The following TTC27 variants were observed in gnomAD, a reference collection of about 807,000 sequenced individuals.
The protein encoded by TTC27 is tetratricopeptide repeat domain 27, also known as tetratricopeptide repeat protein 27.
In TTC27, 79 loss-of-function variants were observed where a neutral mutation model predicts 115.9. That is an observed-to-expected ratio of 0.68 (90% CI 0.57 to 0.82). The LOEUF is 0.82. TTC27 is among the 40% of genes least tolerant of loss of function. TTC27 has a pLI of 0.00. For synonymous variants in TTC27, 401 were observed against 356.0 expected, an observed-to-expected ratio of 1.13 and a Z score of -1.42; for missense variants, 1,054 against 993.1, an observed-to-expected ratio of 1.06 and a Z score of -0.82.
intron 10 of TTC27, among the ~76,000 whole-genome samples, chr2:32,725,474 C>G (rs941021355): frequency 3.3e-5 from 5 of 152,176 alleles, no homozygotes; most frequent in African/African-American, 1.2e-4. Context: ...GCAATCAAAT[C>G]TGAAAGCTCC....
At chr2:32,742,591 T>TGTG (rs550565002) in intron 12 of TTC27, among the ~76,000 whole-genome samples, 131 of 152,294 alleles carry the variant, frequency 8.6e-4, no homozygotes, top group African/African-American at 2.8e-3. Context: ...GTTTTGCACT[T>TGTG]GTCACCTCTC....
chr2:32,766,569 A>ATGC, intron 13 of TTC27: 1 of 274,318 alleles, frequency 3.6e-6, no homozygotes, highest in South Asian at 3.9e-5. Flanking sequence ...ACTGTCCTAT[A>ATGC]TGTGTGCAGT....
At chr2:32,662,708 T>G (rs899443022) in intron 5 of TTC27, among the ~76,000 whole-genome samples, 1 of 152,176 alleles carries the variant, frequency 6.6e-6, no homozygotes, top group Admixed American at 6.5e-5. Flanking sequence ...GTTAACCTTT[T>G]CAAAAAACCA....
At chr2:32,710,528 C>T (rs1174253146) in intron 10 of TTC27, among the ~76,000 whole-genome samples, 1 of 148,070 alleles carries the variant, frequency 6.8e-6, no homozygotes, top group Non-Finnish European at 1.5e-5. Flanking sequence ...CTCCCAGGTT[C>T]AACCAATTCT....
In TTC27 at chr2:32,736,763, GAA is replaced by G; in HGVS notation, c.1401_1402del (p.Glu467AspfsTer10). 1 of 1,614,056 alleles carries G rather than the reference GAA, an allele frequency of 6.2e-7. No homozygotes were observed. The highest frequency in any genetic ancestry group is 2.2e-5 in the East Asian group (1 of 44,882). The stretch of plus-strand genomic sequence containing the variant: ...AGCCCTTCAGATATTTGAAAAGCTA[GAA>G]ATGTGGGAAGATGTTGTCATTTGTT... ...SSALQIFEKL[E>X]MWEDVVICYE... On this transcript the variant is annotated frameshift_variant, in exon 12 of 20. Transcript: ENST00000317907. LOFTEE classifies it high-confidence loss of function.
chr2:32,758,512 C>T lies in TTC27; in HGVS notation c.1673C>T (p.Pro558Leu), dbSNP rs767210198. 1.2e-6 allele frequency: 2 copies of T among 1,613,952 alleles called. No individual in the cohort carries two copies. The highest frequency in any genetic ancestry group is 1.7e-6 in the Non-Finnish European group (2 of 1,179,870). Reference sequence around the variant, plus strand: ...TTCGAACGCTCGGTTAAGATTAATCCCATGCAGGTTAGACAACTCATAACC... The same window carrying T: ...TTCGAACGCTCGGTTAAGATTAATCTCATGCAGGTTAGACAACTCATAACC... Reference protein sequence around the residue: ...ECFERSVKINPMQLGVWFSLG... With the variant: ...ECFERSVKINLMQLGVWFSLG... Residue 558 changes from proline to leucine, a missense_variant, in exon 13 of 20, where the codon CCC becomes CTC. By Grantham distance (98) the Pro-to-Leu change is moderately conservative (BLOSUM62 -3). Transcript: ENST00000317907.
intron 5 of TTC27, among the ~76,000 whole-genome samples, chr2:32,662,968 T>C (rs923855775): frequency 1.3e-5 from 2 of 152,116 alleles, no homozygotes; most frequent in South Asian, 2.1e-4. Flanking sequence ...AGATTCTTTG[T>C]TTACACTGTG....
chr2:32,734,933 C>A (rs373683804), intron 11 of TTC27, among the ~76,000 whole-genome samples: 2 of 152,134 alleles, frequency 1.3e-5, no homozygotes, highest in Non-Finnish European at 2.9e-5. Context: ...CTGTTTTACA[C>A]GTGAGGAAGC....
At chr2:32,659,621 TG>T (rs35470088) in intron 5 of TTC27, among the ~76,000 whole-genome samples, 52,500 of 151,908 alleles carry the variant, frequency 0.35, 10,291 homozygotes, top group Non-Finnish European at 0.45. Context: ...CGTGCCATGG[TG>T]GTTTGCTGCA....
chr2:32,667,297 C>T (rs1346042075), intron 7 of TTC27, among the ~76,000 whole-genome samples: 3 of 151,602 alleles, frequency 2.0e-5, no homozygotes, highest in Non-Finnish European at 4.4e-5. Flanking sequence ...GAATTCTCTT[C>T]TTTAGTTTGA....
At chr2:32,724,698 A>G (rs933782767) in intron 10 of TTC27, among the ~76,000 whole-genome samples, 4 of 152,202 alleles carry the variant, frequency 2.6e-5, no homozygotes, top group Non-Finnish European at 5.9e-5. Context: ...GCTTGAAAGG[A>G]CTATTGACAG....
chr2:32,751,658 A>C (rs533482211), intron 12 of TTC27, among the ~76,000 whole-genome samples: 40 of 152,328 alleles, frequency 2.6e-4, no homozygotes, highest in African/African-American at 9.6e-4. Context: ...GGTAACCCTA[A>C]GAAGATGGGG....
intron 13 of TTC27, among the ~76,000 whole-genome samples, chr2:32,772,432 A>G (rs1669859871): frequency 6.6e-6 from 1 of 152,216 alleles, no homozygotes; most frequent in African/African-American, 2.4e-5. Context: ...TCCACTTAAT[A>G]ACTTTTTGAC....
intron 16 of TTC27, among the ~76,000 whole-genome samples, chr2:32,796,495 T>A (rs967674578): frequency 1.3e-5 from 2 of 152,090 alleles, no homozygotes; most frequent in Admixed American, 1.3e-4. Context: ...AATAAAAAGA[T>A]TATAAGAGAA....
intron 13 of TTC27, among the ~76,000 whole-genome samples, chr2:32,768,879 C>G (rs1669728286): frequency 6.6e-6 from 1 of 152,126 alleles, no homozygotes; most frequent in African/African-American, 2.4e-5. Context: ...GAAAATGTCT[C>G]TATTGATAGC....
chr2:32,646,192 C>G (rs1011856129), intron 4 of TTC27, among the ~76,000 whole-genome samples: 1 of 151,816 alleles, frequency 6.6e-6, no homozygotes, highest in Non-Finnish European at 1.5e-5. Context: ...CCATGTGCAG[C>G]TAATTTTTTG....
chr2:32,817,574 A>C lies in TTC27; in HGVS notation c.2409+17A>C. 1 of 1,593,836 alleles carries C rather than the reference A, an allele frequency of 6.3e-7. No homozygotes were observed. Among genetic ancestry groups the C allele is most frequent in the South Asian group, 1.1e-5 (1 of 90,588 alleles). ...AAAGCAAAGGTGAGAGTGACATGTG[A>C]ATTAATTGGAATTGTCATATAGAAA... is the stretch of plus-strand genomic sequence containing the variant. On this transcript the variant is annotated intron_variant, in intron 19 of 19. Transcript: ENST00000317907.
At chr2:32,817,662 G>C in intron 19 of TTC27, 105 bp downstream of exon 19, 1 of 1,055,856 alleles carries the variant, frequency 9.5e-7, no homozygotes, top group South Asian at 1.4e-5. Flanking sequence ...AATTTTAGGC[G>C]CATGTTTTAT....
intron 5 of TTC27, among the ~76,000 whole-genome samples, chr2:32,661,367 C>G (rs944700276): frequency 6.6e-6 from 1 of 152,144 alleles, no homozygotes; most frequent in Non-Finnish European, 1.5e-5. Flanking sequence ...GGCAATATGG[C>G]CATTTTCACC....
Sources: gnomAD v4.1 joint callset for allele counts (sites outside exome capture counted in the v4.1 genomes callset) on GRCh38, gnomAD v4.1.1 for gene constraint, MANE v1.5 for transcripts, NCBI Gene and HGNC (gene_info 2026-07-23, HGNC 2026-07-21) for gene names.